Variants in WFDC8 observed in about 807,000 individuals in gnomAD.
WFDC8 encodes WAP four-disulfide core domain protein 8.
WFDC8 carries 24 observed loss-of-function variants against 27.0 expected under a neutral mutation model. The ratio of observed to expected loss-of-function variants is 0.89; its 90% CI spans 0.64 to 1.25. The LOEUF is 1.25. Among genes scored for constraint, WFDC8 ranks in the 50% most tolerant of loss-of-function variants. The pLI is 0.00. For missense variants in WFDC8, 287 were observed against 295.9 expected, an observed-to-expected ratio of 0.97 and a Z score of 0.22; for synonymous variants, 106 against 99.7, an observed-to-expected ratio of 1.06 and a Z score of -0.38.
rs553532307 is a variant in WFDC8, at chr20:45,556,422, G to A, written c.278-554C>T. On this transcript the variant is annotated intron_variant, in intron 3 of 5. Coordinates refer to ENST00000289953, the MANE Select transcript of WFDC8 (RefSeq NM_130896.3). ...TTCTCATTTGAGTTGAAAATGGGTC[G>A]TAAAGCAGCAGAGACAACTTGCAAC... 7.7e-5 allele frequency among the ~76,000 whole-genome samples: 10 copies of A among 129,124 alleles called. No homozygotes were observed. In the South Asian group the frequency reaches 1.4e-3, roughly 18 times the overall value. The allele number at this position is 129,124 out of a possible 152,430, so 84.7% of individuals were successfully genotyped here. A position where few individuals can be genotyped will look rare whatever the true frequency, so the allele number is the denominator to read the frequency against.
At chr20:45,559,298 A>T (rs1980382207) in intron 2 of WFDC8, among the ~76,000 whole-genome samples, 1 of 152,162 alleles carries the variant, frequency 6.6e-6, no homozygotes, top group African/African-American at 2.4e-5. Context: ...CTTGAAACCT[A>T]ATATTTTAAT....
chr20:45,554,301 T>A (rs137998301), intron 4 of WFDC8, among the ~76,000 whole-genome samples: 27 of 152,236 alleles, frequency 1.8e-4, no homozygotes, highest in African/African-American at 5.8e-4. Context: ...GCGCTAGGAT[T>A]ATAGGTGTGA....
At chr20:45,565,391 A>C (rs1330290332) in intron 1 of WFDC8, among the ~76,000 whole-genome samples, 2 of 152,204 alleles carry the variant, frequency 1.3e-5, no homozygotes, top group Non-Finnish European at 2.9e-5. Flanking sequence ...GTACAGAGGG[A>C]TCTGAGGACA....
Sources: allele counts gnomAD v4.1 joint callset (sites outside exome capture counted in the v4.1 genomes callset), GRCh38; gene constraint gnomAD v4.1.1; transcripts MANE v1.5; gene names NCBI Gene and HGNC (gene_info 2026-07-23, HGNC 2026-07-21).